Variants in SIPA1L2 observed in about 807,000 individuals in gnomAD.
SIPA1L2 encodes the protein signal-induced proliferation-associated 1-like protein 2.
In SIPA1L2, 56 loss-of-function variants were observed where a neutral mutation model predicts 163.9. The observed-to-expected ratio is 0.34, with a 90% confidence interval of 0.28 to 0.43. The LOEUF is 0.43. Among genes scored for constraint, SIPA1L2 ranks in the 20% least tolerant of loss-of-function variants. The pLI is 1.00. For missense variants in SIPA1L2, 1,974 were observed against 2,193.5 expected (o/e 0.90, Z 2.00); for synonymous variants, 877 against 865.7 (o/e 1.01, Z -0.23).
intron 1 of SIPA1L2, among the ~76,000 whole-genome samples, chr1:232,603,288 G>C (rs1367706583): frequency 6.6e-6 from 1 of 152,198 alleles, no homozygotes; most frequent in Non-Finnish European, 1.5e-5. Context: ...CTGGAGAAAG[G>C]CCAGACAGGT....
intron 19 of SIPA1L2, among the ~76,000 whole-genome samples, chr1:232,404,826 A>G (rs1660547684): frequency 6.6e-6 from 1 of 152,190 alleles, no homozygotes; most frequent in Admixed American, 6.5e-5. Flanking sequence ...AATCTATTCC[A>G]TGATCAATTC....
intron 1 of SIPA1L2, among the ~76,000 whole-genome samples, chr1:232,597,626 G>T (rs12752619): frequency 0.15 from 21,417 of 147,274 alleles, 1,753 homozygotes; most frequent in African/African-American, 0.23. Flanking sequence ...GGAGGCAGAG[G>T]TTGCAGTGAG....
intron 3 of SIPA1L2, among the ~76,000 whole-genome samples, chr1:232,494,895 C>T (rs933974757): frequency 7.2e-5 from 11 of 152,186 alleles, no homozygotes; most frequent in South Asian, 4.2e-4. Flanking sequence ...CAGGTGTAGC[C>T]TCAAAAAATC....
chr1:232,476,507 A>G (rs913821299), intron 7 of SIPA1L2, among the ~76,000 whole-genome samples: 6 of 152,176 alleles, frequency 3.9e-5, no homozygotes, highest in Non-Finnish European at 4.4e-5. Context: ...CCCACTGATG[A>G]CATCCCACGA....
rs145327360 is a variant in SIPA1L2 at position 232,520,914 on chromosome 1, A to G, written c.-269-5306T>C. 6.3e-4 allele frequency among the ~76,000 whole-genome samples: 96 copies of G among 152,326 alleles called. 3 individuals carry two copies. In the East Asian group the frequency reaches 0.016, roughly 26 times the overall value. On this transcript the variant is annotated intron_variant, in intron 2 of 22. Coordinates refer to ENST00000674635, the MANE Select transcript of SIPA1L2 (RefSeq NM_020808.5). The stretch of plus-strand genomic sequence containing the variant: ...GAAATTATAACCAAATGGCTATAAA[A>G]CAACCCATTAACTCACATTCCTATT...
intron 2 of SIPA1L2, among the ~76,000 whole-genome samples, chr1:232,536,823 A>C (rs1384790709): frequency 6.6e-6 from 1 of 152,188 alleles, no homozygotes; most frequent in African/African-American, 2.4e-5. Context: ...GGTGATAAAG[A>C]GTCAAAAACC....
intron 2 of SIPA1L2, among the ~76,000 whole-genome samples, chr1:232,548,540 C>T (rs967689216): frequency 1.7e-4 from 26 of 152,180 alleles, no homozygotes; most frequent in Admixed American, 1.2e-3. Context: ...ATACTTTATT[C>T]ATTTACTCTT....
intron 2 of SIPA1L2, among the ~76,000 whole-genome samples, chr1:232,516,235 C>T (rs1396497897): frequency 6.6e-6 from 1 of 152,190 alleles, no homozygotes; most frequent in Non-Finnish European, 1.5e-5. Flanking sequence ...TCACACAGAT[C>T]CTCCTTTAAG....
intron 7 of SIPA1L2, among the ~76,000 whole-genome samples, chr1:232,473,117 C>T (rs1379682365): frequency 6.6e-6 from 1 of 152,194 alleles, no homozygotes; most frequent in Non-Finnish European, 1.5e-5. Flanking sequence ...TTAAAATGTG[C>T]CATTTCAAAT....
intron 1 of SIPA1L2, among the ~76,000 whole-genome samples, chr1:232,628,646 G>A (rs59439337): frequency 0.13 from 19,101 of 152,156 alleles, 1,537 homozygotes; most frequent in Middle Eastern, 0.19. Flanking sequence ...GTATGTGTAG[G>A]TTTTCTAGGA....
chr1:232,508,862 T>C (rs963471752), intron 3 of SIPA1L2, among the ~76,000 whole-genome samples: 45 of 152,276 alleles, frequency 3.0e-4, no homozygotes, highest in African/African-American at 1.0e-3. Context: ...GAGGCTGAGG[T>C]GGGTGGATCA....
intron 1 of SIPA1L2, among the ~76,000 whole-genome samples, chr1:232,591,328 T>C (rs1185603328): frequency 6.6e-6 from 1 of 152,254 alleles, no homozygotes; most frequent in Non-Finnish European, 1.5e-5. Flanking sequence ...GGTACTCGAG[T>C]ACTGACATTT....
chr1:232,416,649 T>C (rs575753994), intron 18 of SIPA1L2, among the ~76,000 whole-genome samples: 27 of 152,310 alleles, frequency 1.8e-4, no homozygotes, highest in African/African-American at 6.3e-4. Flanking sequence ...CAAATACCAA[T>C]TGATTATAAA....
rs1558277898 is a variant in SIPA1L2, at chr1:232,572,772, TA to T, written c.-270+1401del. Among the ~76,000 whole-genome samples the T allele has an allele frequency of 1.8e-3, 125 of 70,432 alleles. 1 individual carries two copies. The East Asian group carries it at 0.04, about 22-fold the overall frequency. The allele number at this position is 70,432 out of a possible 152,430, so 46.2% of individuals were successfully genotyped here. A position where few individuals can be genotyped will look rare whatever the true frequency, so the allele number is the denominator to read the frequency against. ...ATATATATATATATATATATATATA[TA>T]TATATATTTATTTATTTATTTTTTC... On this transcript the variant is annotated intron_variant, in intron 2 of 22. Coordinates refer to ENST00000674635, the MANE Select transcript of SIPA1L2 (RefSeq NM_020808.5).
intron 2 of SIPA1L2, among the ~76,000 whole-genome samples, chr1:232,565,632 C>T (rs562155671): frequency 6.6e-6 from 1 of 152,320 alleles, no homozygotes; most frequent in African/African-American, 2.4e-5. Flanking sequence ...AGAATTAAAT[C>T]TGAACTTAGA....
chr1:232,572,788 TTTA>T (rs869027503), intron 2 of SIPA1L2, among the ~76,000 whole-genome samples: 4 of 144,876 alleles, frequency 2.8e-5, no homozygotes, highest in African/African-American at 7.6e-5. Context: ...TATTTATTTA[TTTA>T]TTTTTTCCTT....
intron 2 of SIPA1L2, among the ~76,000 whole-genome samples, chr1:232,569,772 C>T (rs760603108): frequency 1.1e-4 from 16 of 152,118 alleles, no homozygotes; most frequent in Non-Finnish European, 1.9e-4. Flanking sequence ...AAGATGGCAC[C>T]GCTGCACTCT....
At chr1:232,620,860 T>C (rs1168724838) in intron 1 of SIPA1L2, among the ~76,000 whole-genome samples, 1 of 152,202 alleles carries the variant, frequency 6.6e-6, no homozygotes, top group Non-Finnish European at 1.5e-5. Flanking sequence ...GTGAACAAAG[T>C]CTACATAGGC....
intron 13 of SIPA1L2, 69 bp from the exon 14 acceptor site, chr1:232,441,463 G>A: frequency 7.8e-7 from 1 of 1,285,262 alleles, no homozygotes; most frequent in Non-Finnish European, 1.1e-6. Flanking sequence ...AGAAAACCAG[G>A]AGTCAGACAA....
Sources: allele counts gnomAD v4.1 joint callset (sites outside exome capture counted in the v4.1 genomes callset), GRCh38; gene constraint gnomAD v4.1.1; transcripts MANE v1.5; gene names NCBI Gene and HGNC (gene_info 2026-07-23, HGNC 2026-07-21).